Variants in ANK3 observed in about 807,000 individuals in gnomAD.
ANK3 encodes the protein ankyrin 3.
A neutral mutation model predicts 370.9 loss-of-function variants in ANK3; 57 were observed. The observed-to-expected ratio is 0.15, with a 90% confidence interval of 0.12 to 0.19. The LOEUF (loss-of-function observed/expected upper bound fraction) is 0.19. Ranked by LOEUF, ANK3 falls within the 10% of genes least tolerant of loss-of-function variation. The pLI is 1.00. For missense variants in ANK3, 4,439 were observed against 5,302.1 expected, an observed-to-expected ratio of 0.84 and a Z score of 5.06; for synonymous variants, 1,929 against 1,946.3, an observed-to-expected ratio of 0.99 and a Z score of 0.23.
chr10:60,252,365 T>G (rs2097681713), intron 7 of ANK3, among the ~76,000 whole-genome samples: 1 of 152,148 alleles, frequency 6.6e-6, no homozygotes. Flanking sequence ...AGAGCATCAG[T>G]CTGGGGCATG....
intron 2 of ANK3, among the ~76,000 whole-genome samples, chr10:60,471,764 C>T (rs1406953816): frequency 6.6e-6 from 1 of 151,876 alleles, no homozygotes; most frequent in African/African-American, 2.4e-5. Flanking sequence ...TTACCCAAGG[C>T]CTGACAACAA....
intron 1 of ANK3, among the ~76,000 whole-genome samples, chr10:60,663,635 T>A (rs566523670): frequency 9.8e-5 from 15 of 152,322 alleles, no homozygotes; most frequent in Admixed American, 8.5e-4. Context: ...ATAATAGCAT[T>A]TCCTCCTACC....
chr10:60,589,378 G>T (rs536246693), intron 2 of ANK3, among the ~76,000 whole-genome samples: 10 of 152,142 alleles, frequency 6.6e-5, no homozygotes, highest in Non-Finnish European at 1.5e-4. Flanking sequence ...CTCTTAATAA[G>T]TCTGATCCTA....
At chr10:60,422,834 A>T (rs554923520) in intron 2 of ANK3, among the ~76,000 whole-genome samples, 1 of 152,242 alleles carries the variant, frequency 6.6e-6, no homozygotes, top group South Asian at 2.1e-4. Context: ...CTCATGTGGG[A>T]GTGATTTTCA....
chr10:60,542,922 C>T (rs1249533209), intron 2 of ANK3, among the ~76,000 whole-genome samples: 1 of 151,932 alleles, frequency 6.6e-6, no homozygotes, highest in Non-Finnish European at 1.5e-5. Context: ...AGGTAATTAA[C>T]ACCCTACATA....
chr10:60,372,358 T>C (rs2060211494), intron 1 of ANK3, among the ~76,000 whole-genome samples: 1 of 152,176 alleles, frequency 6.6e-6, no homozygotes, highest in Non-Finnish European at 1.5e-5. Context: ...CAATTCTAGT[T>C]ATCTCATGAT....
chr10:60,532,609 A>G (rs1171180246), intron 2 of ANK3, among the ~76,000 whole-genome samples: 1 of 151,994 alleles, frequency 6.6e-6, no homozygotes, highest in Non-Finnish European at 1.5e-5. Context: ...CGCTCTCCCA[A>G]CTGCAGGGTT....
intron 1 of ANK3, among the ~76,000 whole-genome samples, chr10:60,357,906 C>T (rs2058019920): frequency 6.6e-6 from 1 of 152,110 alleles, no homozygotes; most frequent in South Asian, 2.1e-4. Flanking sequence ...CCCTGCCTTT[C>T]TCTAAGGCCA....
At chr10:60,211,155 G>A (rs2096848144) in intron 9 of ANK3, among the ~76,000 whole-genome samples, 2 of 152,152 alleles carry the variant, frequency 1.3e-5, no homozygotes, top group South Asian at 4.1e-4. Flanking sequence ...CTGCAAATAA[G>A]ATTGGTTCAA....
chr10:60,586,551 G>A (rs2077834371), intron 2 of ANK3, among the ~76,000 whole-genome samples: 1 of 152,162 alleles, frequency 6.6e-6, no homozygotes, highest in Admixed American at 6.5e-5. Flanking sequence ...GAGGAGTAGG[G>A]GAGGGCACAT....
exon 1 of ANK3, chr10:60,733,427 G>C: frequency 9.9e-7 from 1 of 1,015,174 alleles, no homozygotes; most frequent in East Asian, 3.3e-5. Context: ...TTCGGCCGCG[G>C]CTCAGGAACA....
chr10:60,221,084 CTT>C (rs34771679), intron 8 of ANK3, among the ~76,000 whole-genome samples: 3 of 142,162 alleles, frequency 2.1e-5, no homozygotes, highest in Non-Finnish European at 1.5e-5. Context: ...TTGATTTTGC[CTT>C]TTTTTTTTTT....
chr10:60,631,450 T>C (rs1439741200), intron 1 of ANK3, among the ~76,000 whole-genome samples: 2 of 152,050 alleles, frequency 1.3e-5, no homozygotes, highest in Non-Finnish European at 2.9e-5. Context: ...GAGAATTGCT[T>C]GAACCCGGGA....
intron 1 of ANK3, among the ~76,000 whole-genome samples, chr10:60,677,476 C>T (rs140235096): frequency 0.043 from 6,073 of 141,624 alleles, 157 homozygotes; most frequent in South Asian, 0.076. Context: ...GGTTTAGAGG[C>T]TGCAGAGATA....
intron 10 of ANK3, among the ~76,000 whole-genome samples, chr10:60,207,698 A>G (rs1225691688): frequency 6.6e-6 from 1 of 152,162 alleles, no homozygotes; most frequent in African/African-American, 2.4e-5. Context: ...TTGTTTTCAG[A>G]TCTCAGAATA....
rs191453423 is a variant in ANK3, at chr10:60,588,307, C to T, written c.96+26879G>A. Among the ~76,000 whole-genome samples the T allele has an allele frequency of 7.9e-3, 922 of 116,422 alleles. 12 individuals carry two copies. Among genetic ancestry groups the T allele is most frequent in the African/African-American group, 0.026 (883 of 34,274 alleles). The allele number at this position is 116,422 out of a possible 152,430, so 76.4% of individuals were successfully genotyped here. ...TCAAGCAATTCTTCTGCCCCAGCCT[C>T]CCAACCGGCTGGCATTACAGGCGAG... On this transcript the variant is annotated intron_variant, in intron 2 of 43. Transcript: ENST00000373827.
chr10:60,186,178 G>C (rs1046178749), intron 17 of ANK3, among the ~76,000 whole-genome samples: 4 of 152,096 alleles, frequency 2.6e-5, no homozygotes, highest in African/African-American at 9.7e-5. Flanking sequence ...GCTATGTTAT[G>C]GTGAAGTAAC....
chr10:60,617,840 C>T (rs1461974520), intron 1 of ANK3, among the ~76,000 whole-genome samples: 1 of 152,158 alleles, frequency 6.6e-6, no homozygotes, highest in Admixed American at 6.6e-5. Context: ...GCAATTCTCT[C>T]TCTCATTTTC....
intron 1 of ANK3, among the ~76,000 whole-genome samples, chr10:60,320,261 G>A (rs572110752): frequency 6.6e-6 from 1 of 152,288 alleles, no homozygotes; most frequent in East Asian, 1.9e-4. Context: ...GATAAAGGAG[G>A]GAGCTCACGG....
Sources: allele counts gnomAD v4.1 joint callset (sites outside exome capture counted in the v4.1 genomes callset), GRCh38; gene constraint gnomAD v4.1.1; transcripts MANE v1.5; gene names NCBI Gene and HGNC (gene_info 2026-07-23, HGNC 2026-07-21).